The following PCDHA6 variants were observed in gnomAD, a reference collection of about 807,000 sequenced individuals.
The protein encoded by PCDHA6 is protocadherin alpha 6.
In PCDHA6, 55 loss-of-function variants were observed where a neutral mutation model predicts 60.3. That is an observed-to-expected ratio of 0.91 (90% CI 0.73 to 1.14). PCDHA6 has a LOEUF of 1.14. Among genes scored for constraint, PCDHA6 ranks in the 50% most tolerant of loss-of-function variants. The probability of loss-of-function intolerance (pLI) is 0.00; values close to 1 mark genes in which losing one functional copy is unlikely to be tolerated. For missense variants in PCDHA6, 1,327 were observed against 1,256.5 expected (o/e 1.06, Z -0.85); for synonymous variants, 652 against 557.9 (o/e 1.17, Z -2.38).
intron 3 of PCDHA6, among the ~76,000 whole-genome samples, chr5:141,005,308 T>TA (rs2098205734): frequency 6.6e-6 from 1 of 152,214 alleles, no homozygotes; most frequent in Non-Finnish European, 1.5e-5. Context: ...TTGTGAATCT[T>TA]ACAGTGGTAG....
rs567371259 is a variant in PCDHA6, at chr5:140,910,950, G to A, written c.2395-67999G>A. ...TAAGAAAGCTCAAGCAGTTCTTTTC[G>A]AGTGTAGCACACCTCCTCATGGGTT... On this transcript the variant is annotated intron_variant, in intron 1 of 3. Coordinates refer to ENST00000529310, the MANE Select transcript of PCDHA6 (RefSeq NM_018909.4). Among the ~76,000 whole-genome samples, 203 of 152,092 alleles carry A rather than the reference G, an allele frequency of 1.3e-3. 1 individual carries two copies. Among genetic ancestry groups the A allele is most frequent in the Non-Finnish European group, 2.4e-3 (165 of 68,000 alleles).
intron 1 of PCDHA6, chr5:140,875,367 T>G: frequency 6.9e-7 from 1 of 1,449,166 alleles, no homozygotes; most frequent in Non-Finnish European, 9.1e-7. Flanking sequence ...CTGGAAAAAA[T>G]TTACTAAATA....
At chr5:140,857,560 G>T in intron 1 of PCDHA6, 1 of 1,596,914 alleles carries the variant, frequency 6.3e-7, no homozygotes, top group Non-Finnish European at 8.6e-7. Flanking sequence ...GCTCGCTGTC[G>T]AGCTACGTGT....
In PCDHA6 at chr5:140,829,748, G is replaced by C; in HGVS notation, c.1657G>C (p.Val553Leu). 1 of 1,613,722 alleles carries C rather than the reference G, an allele frequency of 6.2e-7. No homozygotes were observed. Among genetic ancestry groups the C allele is most frequent in the Non-Finnish European group, 8.5e-7 (1 of 1,179,872 alleles). The change falls in exon 1 of 4, where the codon GTG (valine) becomes CTG (leucine). Residue 553 changes from valine (V) to leucine (L), a missense_variant. Physicochemically the swap from Val to Leu is conservative, Grantham distance 32. Transcript: ENST00000529310. ...PPLGSNVTLQ[V>L]FVLDENDNAP... ...TCTGGGCAGCAACGTGACGCTGCAGGTGTTCGTGCTGGACGAGAACGACAA... is the reference window on the plus strand; with the variant it reads ...TCTGGGCAGCAACGTGACGCTGCAGCTGTTCGTGCTGGACGAGAACGACAA...
At chr5:140,836,112 G>A in intron 1 of PCDHA6, 2 of 1,613,758 alleles carry the variant, frequency 1.2e-6, no homozygotes, top group South Asian at 2.2e-5. Context: ...TGGTGGCGCA[G>A]TGAGAGAGCT....
At chr5:140,858,247 G>A in intron 1 of PCDHA6, 2 of 1,596,540 alleles carry the variant, frequency 1.3e-6, no homozygotes, top group East Asian at 4.5e-5. Flanking sequence ...GTGGGCCGGT[G>A]AAGCCCACGC....
chr5:140,837,389 T>A (rs1775035247), intron 1 of PCDHA6, among the ~76,000 whole-genome samples: 1 of 151,976 alleles, frequency 6.6e-6, no homozygotes, highest in Non-Finnish European at 1.5e-5. Context: ...TTGTTCCTTG[T>A]TTGTATAAGA....
intron 1 of PCDHA6, chr5:140,876,221 T>C: frequency 1.2e-6 from 2 of 1,613,988 alleles, no homozygotes; most frequent in Non-Finnish European, 1.7e-6. Context: ...TATAAAGTAG[T>C]GTTGTCTGAA....
intron 1 of PCDHA6, chr5:140,858,628 C>T (rs574787408): frequency 1.8e-6 from 2 of 1,091,216 alleles, no homozygotes; most frequent in South Asian, 3.4e-5. Context: ...CCCAGTGTGT[C>T]AGCCTTTGAT....
intron 1 of PCDHA6, among the ~76,000 whole-genome samples, chr5:140,879,111 T>A (rs1056977716): frequency 2.0e-4 from 30 of 152,184 alleles, no homozygotes; most frequent in African/African-American, 7.2e-4. Flanking sequence ...ATGGTGTAAT[T>A]GAAGGATTAG....
chr5:140,850,049 C>G (rs2150465227), intron 1 of PCDHA6: 5 of 1,596,466 alleles, frequency 3.1e-6, no homozygotes, highest in Non-Finnish European at 3.4e-6. Flanking sequence ...GCAAGGTGTA[C>G]GCGCTGCAGC....
At chr5:140,843,440 G>A in intron 1 of PCDHA6, 2 of 1,596,090 alleles carry the variant, frequency 1.3e-6, no homozygotes, top group African/African-American at 2.7e-5. Flanking sequence ...CATCTGCGCG[G>A]TATCCAGCCT....
intron 1 of PCDHA6, among the ~76,000 whole-genome samples, chr5:140,903,921 G>C (rs1282440912): frequency 6.6e-6 from 1 of 152,198 alleles, no homozygotes; most frequent in African/African-American, 2.4e-5. Flanking sequence ...CTTCCTTGCT[G>C]CATTGGATAA....
intron 1 of PCDHA6, among the ~76,000 whole-genome samples, chr5:140,889,953 A>G (rs2062443064): frequency 6.6e-6 from 1 of 152,214 alleles, no homozygotes; most frequent in Non-Finnish European, 1.5e-5. Context: ...AGCCAAATGG[A>G]TAGAAAAATT....
chr5:140,887,649 T>C (rs2061527192), intron 1 of PCDHA6, among the ~76,000 whole-genome samples: 1 of 152,162 alleles, frequency 6.6e-6, no homozygotes, highest in South Asian at 2.1e-4. Context: ...TTTGTTGATA[T>C]TCTTGGATCT....
chr5:140,858,515 C>G lies in PCDHA6; in HGVS notation c.2394+28030C>G, dbSNP rs1554151726. ...TTACCGCATTTTCTCAAATATGTAT[C>G]AGAATATTTCATTTTTGTCTACATT... On this transcript the variant is annotated intron_variant, in intron 1 of 3. Coordinates refer to ENST00000529310, the MANE Select transcript of PCDHA6 (RefSeq NM_018909.4). 2.8e-6 allele frequency: 4 copies of G among 1,415,980 alleles called. 1 individual carries two copies. The African/African-American group carries it at 5.7e-5, about 20-fold the overall frequency. 87.7% of individuals were successfully genotyped at this position (1,415,980 alleles called of 1,614,324 possible).
In PCDHA6 at chr5:140,828,935, A is replaced by G; in HGVS notation, c.844A>G (p.Asn282Asp). ...GANGAISYSF[N>D]SLVAAMVIDH... ...GAATGGGGCAATTTCATATTCTTTTAATAGCCTTGTTGCAGCCATGGTTAT... is the reference window on the plus strand; with the variant it reads ...GAATGGGGCAATTTCATATTCTTTTGATAGCCTTGTTGCAGCCATGGTTAT... Residue 282 changes from asparagine to aspartate, a missense_variant, in exon 1 of 4, where the codon AAT becomes GAT. Transcript: ENST00000529310. The G allele has an allele frequency of 6.2e-7, 1 of 1,614,238 alleles. No individual in the cohort carries two copies. The highest frequency in any genetic ancestry group is 8.5e-7 in the Non-Finnish European group (1 of 1,180,038).
At chr5:140,898,467 T>G (rs576206648) in intron 1 of PCDHA6, among the ~76,000 whole-genome samples, 147 of 152,296 alleles carry the variant, frequency 9.7e-4, no homozygotes, top group Non-Finnish European at 1.9e-3. Flanking sequence ...CATTGCTTGT[T>G]TTTCTCAGGT....
At chr5:140,838,599 C>T (rs1240521392) in intron 1 of PCDHA6, among the ~76,000 whole-genome samples, 1 of 151,906 alleles carries the variant, frequency 6.6e-6, no homozygotes, top group African/African-American at 2.4e-5. Context: ...ACCGAATTGT[C>T]TAGACTTTTA....
Sources: allele counts gnomAD v4.1 joint callset (sites outside exome capture counted in the v4.1 genomes callset), GRCh38; gene constraint gnomAD v4.1.1; transcripts MANE v1.5; gene names NCBI Gene and HGNC (gene_info 2026-07-23, HGNC 2026-07-21).